Variants in LMTK3 observed in about 807,000 individuals in gnomAD.
LMTK3 encodes serine/threonine-protein kinase LMTK3.
A neutral mutation model predicts 116.7 loss-of-function variants in LMTK3; 27 were observed. The observed-to-expected ratio is 0.23, with a 90% CI of 0.17 to 0.32. The LOEUF (loss-of-function observed/expected upper bound fraction) is 0.32. Among genes scored for constraint, LMTK3 ranks in the 10% least tolerant of loss-of-function variants. LMTK3 has a pLI of 1.00. For synonymous variants in LMTK3, 965 were observed against 971.0 expected, an observed-to-expected ratio of 0.99 and a Z score of 0.11; for missense variants, 1,764 against 2,068.5, an observed-to-expected ratio of 0.85 and a Z score of 2.86.
At position 48,497,560 on chromosome 19, in the gene LMTK3, G is replaced by T; in HGVS notation, c.3509C>A (p.Pro1170Gln). The T allele has an allele frequency of 7.3e-7, 1 of 1,363,238 alleles. No individual in the cohort carries two copies. Among genetic ancestry groups the T allele is most frequent in the Non-Finnish European group, 9.5e-7 (1 of 1,055,536 alleles). The allele number at this position is 1,363,238 out of a possible 1,614,324, so 84.4% of individuals were successfully genotyped here. A position where few individuals can be genotyped will look rare whatever the true frequency, so the allele number is the denominator to read the frequency against. The change falls in exon 11 of 15, where the codon CCG (proline) becomes CAG (glutamine). Residue 1170 changes from proline to glutamine, a missense_variant. By Grantham distance (76) the Pro-to-Gln change is moderately conservative. Around this residue, in one of 7 missense-constraint regions of LMTK3, gnomAD observed 1,028 missense variants for 1,050.6 expected, o/e 0.98. Coordinates refer to ENST00000600059, the MANE Select transcript of LMTK3 (RefSeq NM_001388485.1). This position sits in a 1 kb window ranked among gnomAD's most constrained non-coding sequence, Gnocchi z 5.7. ...RLEPAPPRAR[P>Q]EVAPEGEPGA... ...GGGCTCTCCCTCGGGGGCCACCTCC[G>T]GCCTGGCTCTCGGGGGCGCTGGCTC... is the stretch of plus-strand genomic sequence containing the variant.
At position 48,494,067 on chromosome 19, in the gene LMTK3, A is replaced by G; in HGVS notation, c.3719T>C (p.Leu1240Pro). The G allele has an allele frequency of 2.5e-6, 3 of 1,195,614 alleles. No homozygotes were observed. The highest frequency in any genetic ancestry group is 3.1e-6 in the Non-Finnish European group (3 of 963,586). The allele number at this position is 1,195,614 out of a possible 1,614,324, so 74.1% of individuals were successfully genotyped here. Residue 1240 changes from leucine (L) to proline (P), a missense_variant, in exon 12 of 15, where the codon CTC becomes CCC. This residue lies in a region of LMTK3 where 39 missense variants were observed against 75.4 expected (regional missense o/e 0.52). Coordinates refer to ENST00000600059, the MANE Select transcript of LMTK3 (RefSeq NM_001388485.1). The surrounding 1 kb of genome is among the most constrained non-coding windows in gnomAD (Gnocchi z 4.0). ...CGGGCCCGGCCCCGGGAATGGCGTG[A>G]GCGTGAGCGGCGGCAGCGCCAGCGA... ...RLSLALPPLTLTPFPGPGPRR... is the reference protein window; with the variant it reads ...RLSLALPPLTPTPFPGPGPRR...
Position 48,497,198 on chromosome 19 carries a change from G to A in LMTK3, c.3676+195C>T, listed in dbSNP as rs1382201702. On this transcript the variant is annotated intron_variant, in intron 11 of 14. Coordinates refer to ENST00000600059, the MANE Select transcript of LMTK3 (RefSeq NM_001388485.1). This position sits in a 1 kb window ranked among gnomAD's most constrained non-coding sequence, Gnocchi z 5.7. Reference sequence around the variant, plus strand: ...TGGCAGATGGGTAAACTGAGGCACCGTGCAGCAAGGACATTTGCCCAAGGC... The same window carrying A: ...TGGCAGATGGGTAAACTGAGGCACCATGCAGCAAGGACATTTGCCCAAGGC... Among the ~76,000 whole-genome samples the A allele has an allele frequency of 1.3e-5, 2 of 152,296 alleles. No individual in the cohort carries two copies. The highest frequency in any genetic ancestry group is 2.1e-4 in the South Asian group (1 of 4,828).
Position 48,493,775 on chromosome 19 carries a change from G to C in LMTK3, c.4011C>G (p.Asp1337Glu). 6.5e-7 allele frequency: 1 copy of C among 1,544,070 alleles called. No individual in the cohort carries two copies. The highest frequency in any genetic ancestry group is 8.7e-7 in the Non-Finnish European group (1 of 1,146,124). The change falls in exon 12 of 15, where the codon GAC becomes GAG. Residue 1337 changes from aspartate (D) to glutamate (E), a missense_variant. Transcript: ENST00000600059. ...TCTCCAGCTCGCTGTCCTCTGGCTC[G>C]TCGGCCCCGCGCGGAGACTTGAGCA... ...RGLLKSPRGA[D>E]EPEDSELERK...
In LMTK3 at chr19:48,499,130, C is replaced by T; in HGVS notation, c.1939G>A (p.Gly647Ser). The T allele has an allele frequency of 3.9e-6, 6 of 1,529,434 alleles. No individual in the cohort carries two copies. Among genetic ancestry groups the T allele is most frequent in the Non-Finnish European group, 5.3e-6 (6 of 1,141,770 alleles). The allele number at this position is 1,529,434 out of a possible 1,614,324, so 94.7% of individuals were successfully genotyped here. Residue 647 changes from glycine (G) to serine (S), a missense_variant, in exon 11 of 15, where the codon GGC becomes AGC. Transcript: ENST00000600059. ...CTGCTGTCTTCCCCTGGGGAGCTGCCCTCCTCCTCCTCCTCTTCTTCTTCC... is the reference window on the plus strand; with the variant it reads ...CTGCTGTCTTCCCCTGGGGAGCTGCTCTCCTCCTCCTCCTCTTCTTCTTCC... ...WVEEEEEEEE[G>S]SSPGEDSSSL...
intron 14 of LMTK3, among the ~76,000 whole-genome samples, chr19:48,486,844 T>G (rs2147525584): frequency 6.6e-6 from 1 of 151,756 alleles, no homozygotes; most frequent in South Asian, 2.1e-4. Context: ...GCCGAACCTG[T>G]CCTTGTTTGT....
chr19:48,502,347 G>C, intron 7 of LMTK3, 86 bp downstream of exon 7: 2 of 1,439,302 alleles, frequency 1.4e-6, no homozygotes, highest in Non-Finnish European at 1.9e-6. Flanking sequence ...TCATGGGTCC[G>C]CCCCCCCTCT....
chr19:48,500,999 T>C lies in LMTK3; in HGVS notation c.1148A>G (p.Tyr383Cys). ...CCCCGGGTGGGCTAGCCCTCACCAG[T>C]AGTCCGCGTAAGGCAGCTTGAGCCT... Reference protein sequence around the residue: ...RPRLKLPYADYWYDILQSCWR... With the variant: ...RPRLKLPYADCWYDILQSCWR... The change falls in exon 10 of 15, where the codon TAC becomes TGC. Residue 383 changes from tyrosine (Y) to cysteine (C), a missense_variant. Transcript: ENST00000600059. The surrounding 1 kb of genome is among the most constrained non-coding windows in gnomAD (Gnocchi z 4.0). The C allele has an allele frequency of 6.6e-7, 1 of 1,511,990 alleles. No homozygotes were observed. The highest frequency in any genetic ancestry group is 2.3e-5 in the Admixed American group (1 of 44,404). The allele number at this position is 1,511,990 out of a possible 1,614,324, so 93.7% of individuals were successfully genotyped here.
chr19:48,496,635 G>C (rs1972332324), intron 11 of LMTK3, among the ~76,000 whole-genome samples: 1 of 152,106 alleles, frequency 6.6e-6, no homozygotes, highest in African/African-American at 2.4e-5. Flanking sequence ...TTTTAGTAGA[G>C]ATGGGGTTTC....
chr19:48,506,003 G>A (rs145251355), intron 5 of LMTK3, among the ~76,000 whole-genome samples: 348 of 151,616 alleles, frequency 2.3e-3, no homozygotes, highest in African/African-American at 8.1e-3. Context: ...TTAGCCAGAT[G>A]TGGTGGTGGG....
Position 48,498,397 on chromosome 19 carries a change from C to T in LMTK3, c.2672G>A (p.Gly891Glu). Residue 891 changes from glycine (G) to glutamate (E), a missense_variant, in exon 11 of 15, where the codon GGG (glycine) becomes GAG (glutamate). Gly to Glu is a moderately conservative substitution (Grantham distance 98). Transcript: ENST00000600059. ...TARETGPRKA[G>E]RGPGNREKVP... is the part of the protein sequence containing the mutation. ...TTTCTCTCTGTTCCCGGGGCCTCTC[C>T]CCGCCTTCCTGGGTCCTGTCTCCCG... 1 of 1,611,704 alleles carries T rather than the reference C, an allele frequency of 6.2e-7. No homozygotes were observed. The highest frequency in any genetic ancestry group is 8.5e-7 in the Non-Finnish European group (1 of 1,179,166).
intron 14 of LMTK3, among the ~76,000 whole-genome samples, chr19:48,488,865 A>T (rs918111517): frequency 1.3e-5 from 2 of 150,392 alleles, no homozygotes; most frequent in Non-Finnish European, 3.0e-5. Context: ...TCACCCTCCC[A>T]AGTAGCTGGG....
At position 48,491,063 on chromosome 19, in the gene LMTK3, G is replaced by A; in HGVS notation, c.4366+45C>T. The A allele has an allele frequency of 7.8e-7, 1 of 1,273,952 alleles. No homozygotes were observed. Among genetic ancestry groups the A allele is most frequent in the Non-Finnish European group, 1.0e-6 (1 of 997,992 alleles). 78.9% of individuals were successfully genotyped at this position (1,273,952 alleles called of 1,614,324 possible). On this transcript the variant is annotated intron_variant, in intron 14 of 14. Coordinates refer to ENST00000600059, the MANE Select transcript of LMTK3 (RefSeq NM_001388485.1). This position sits in a 1 kb window ranked among gnomAD's most constrained non-coding sequence, Gnocchi z 5.1. ...AAGAAGTTGGCAGTGGAACATAGGG[G>A]GACAGAGATGGGCAGAGGAGGGGGC...
At position 48,499,390 on chromosome 19, in the gene LMTK3, AG is replaced by A; in HGVS notation, c.1678del (p.Leu560TrpfsTer48). The A allele has an allele frequency of 6.9e-7, 1 of 1,443,514 alleles. No homozygotes were observed. The highest frequency in any genetic ancestry group is 9.1e-7 in the Non-Finnish European group (1 of 1,096,596). The allele number at this position is 1,443,514 out of a possible 1,614,324, so 89.4% of individuals were successfully genotyped here. On this transcript the variant is annotated frameshift_variant, in exon 11 of 15. Transcript: ENST00000600059. LOFTEE classifies it high-confidence loss of function. ...CTGAGGGGCGGGCACTCCTGGGTCC[AG>A]GGGGTCCCAGTCGTTGGGGAAGAGG... ...EPLFPNDWDPLDPGVPAPQAP... is the reference protein window; with the variant it reads ...EPLFPNDWDPXDPGVPAPQAP...
intron 9 of LMTK3, 24 bp downstream of exon 9, chr19:48,501,259 G>A (rs2147549668): frequency 6.2e-7 from 1 of 1,611,362 alleles, no homozygotes. Flanking sequence ...GCCTGCCTCG[G>A]CCCCCGCGGC....
Position 48,511,629 on chromosome 19 carries a change from G to C in LMTK3, c.-53C>G. On this transcript the variant is annotated 5_prime_UTR_variant, in exon 1 of 15. Transcript: ENST00000600059. ...GTGGTGGCGGCTGGGGAGGAGGGGGGGGCGGGCCCTCAGCCCCCAGCCATG... is the reference window on the plus strand; with the variant it reads ...GTGGTGGCGGCTGGGGAGGAGGGGGCGGCGGGCCCTCAGCCCCCAGCCATG... 1 of 546,870 alleles carries C rather than the reference G, an allele frequency of 1.8e-6. No homozygotes were observed. The highest frequency in any genetic ancestry group is 3.5e-5 in the East Asian group (1 of 28,954). The allele number at this position is 546,870 out of a possible 1,614,324, so 33.9% of individuals were successfully genotyped here.
In LMTK3 at chr19:48,494,201, A is replaced by G. The variant is rs1972283927; in HGVS notation, c.3677-92T>C. ...GTGTGGCCTCAGATAAGACCCCCGCACAATCTGGGCCTCAGCACCCACTTT... is the reference window on the plus strand; with the variant it reads ...GTGTGGCCTCAGATAAGACCCCCGCGCAATCTGGGCCTCAGCACCCACTTT... On this transcript the variant is annotated intron_variant, in intron 11 of 14. Transcript: ENST00000600059. This position sits in a 1 kb window ranked among gnomAD's most constrained non-coding sequence, Gnocchi z 4.0. The G allele has an allele frequency of 1.3e-6, 1 of 755,750 alleles. No individual in the cohort carries two copies. The highest frequency in any genetic ancestry group is 1.7e-6 in the Non-Finnish European group (1 of 597,408). 46.8% of individuals were successfully genotyped at this position (755,750 alleles called of 1,614,324 possible).
chr19:48,493,928 CTCCTCGTCCTCG>C lies in LMTK3; in HGVS notation c.3846_3857del (p.Asp1282_Glu1285del), dbSNP rs746027782. ...CCGGCGCCGCCGCCTCCTCGTCCTC[CTCCTCGTCCTCG>C]TCCTCGTCCTCCCCGTCCTCCTCCG... On this transcript the variant is annotated inframe_deletion, in exon 12 of 15. Transcript: ENST00000600059. 1.4e-5 allele frequency: 14 copies of C among 1,031,792 alleles called. No homozygotes were observed. The highest frequency in any genetic ancestry group is 4.4e-5 in the South Asian group (1 of 22,936). The allele number at this position is 1,031,792 out of a possible 1,614,324, so 63.9% of individuals were successfully genotyped here. A position where few individuals can be genotyped will look rare whatever the true frequency, so the allele number is the denominator to read the frequency against.
In LMTK3 at chr19:48,500,021, G is replaced by A; in HGVS notation, c.1152-104C>T. On this transcript the variant is annotated intron_variant, in intron 10 of 14. Coordinates refer to ENST00000600059, the MANE Select transcript of LMTK3 (RefSeq NM_001388485.1). The surrounding 1 kb of genome is among the most constrained non-coding windows in gnomAD (Gnocchi z 4.0). ...GAGAGAGGGGGACAGAGACCCAGAG[G>A]GTAACAGAGACCCAGAGAGAGGGGG... 1.7e-6 allele frequency: 2 copies of A among 1,152,910 alleles called. No homozygotes were observed. Among genetic ancestry groups the A allele is most frequent in the East Asian group, 2.7e-5 (1 of 37,400 alleles). 71.4% of individuals were successfully genotyped at this position (1,152,910 alleles called of 1,614,324 possible).
intron 14 of LMTK3, among the ~76,000 whole-genome samples, chr19:48,486,941 C>G (rs1972134557): frequency 6.6e-6 from 1 of 151,972 alleles, no homozygotes; most frequent in Admixed American, 6.6e-5. Context: ...TCTTGACTTG[C>G]TGAAACCTTC....
Sources: gnomAD v4.1 joint callset for allele counts (sites outside exome capture counted in the v4.1 genomes callset) on GRCh38, gnomAD v4.1.1 for gene constraint, gnomAD v4.1.1 regional missense constraint, Gnocchi (gnomAD v3.1) non-coding constraint, MANE v1.5 for transcripts, NCBI Gene and HGNC (gene_info 2026-07-23, HGNC 2026-07-21) for gene names.